The following UBE2E1 variants were observed in gnomAD, a reference collection of about 807,000 sequenced individuals.
UBE2E1 encodes ubiquitin conjugating enzyme E2 E1, also known as ubiquitin-conjugating enzyme E2 E1.
In UBE2E1, 6 loss-of-function variants were observed where a neutral mutation model predicts 21.4. That is an observed-to-expected ratio of 0.28 (90% CI 0.15 to 0.55). The LOEUF is 0.55. Ranked by LOEUF, UBE2E1 falls within the 20% of genes least tolerant of loss-of-function variation. UBE2E1 has a pLI of 0.93. For missense variants in UBE2E1, 142 were observed against 236.5 expected (o/e 0.60, Z 2.62); for synonymous variants, 87 against 82.7 (o/e 1.05, Z -0.28).
intron 3 of UBE2E1, among the ~76,000 whole-genome samples, chr3:23,827,240 G>A (rs1035357282): frequency 2.0e-5 from 3 of 152,054 alleles, no homozygotes; most frequent in Admixed American, 6.5e-5. Flanking sequence ...GTGAATTTTG[G>A]TAATTCTAAA....
At chr3:23,879,426 A>C in intron 3 of UBE2E1, 1 of 446,096 alleles carries the variant, frequency 2.2e-6, no homozygotes, top group South Asian at 1.9e-5. Context: ...AAACCCAGGA[A>C]AACAGTGTGG....
At chr3:23,843,692 C>T (rs1700138684) in intron 3 of UBE2E1, among the ~76,000 whole-genome samples, 1 of 151,334 alleles carries the variant, frequency 6.6e-6, no homozygotes, top group African/African-American at 2.4e-5. Flanking sequence ...CAAGCATCTT[C>T]CATACCAGTG....
chr3:23,870,165 CA>C lies in UBE2E1; in HGVS notation c.204-17401del. On this transcript the variant is annotated intron_variant, in intron 3 of 5. Coordinates refer to ENST00000306627, the MANE Select transcript of UBE2E1 (RefSeq NM_003341.5). The surrounding 1 kb of genome is among the most constrained non-coding windows in gnomAD (Gnocchi z 4.2). ...ATTCTCATTCTTGATGTGGTCTCTT[CA>C]CACGGTCTCTGCAGTACTAGGCTTC... Among the ~76,000 whole-genome samples, 1 of 152,228 alleles carries C rather than the reference CA, an allele frequency of 6.6e-6. No individual in the cohort carries two copies. The highest frequency in any genetic ancestry group is 2.1e-4 in the South Asian group (1 of 4,816).
chr3:23,827,881 A>G (rs1699790843), intron 3 of UBE2E1, among the ~76,000 whole-genome samples: 1 of 152,096 alleles, frequency 6.6e-6, no homozygotes, highest in Non-Finnish European at 1.5e-5. Context: ...ATCCCCTACA[A>G]CCTGATCCCA....
At chr3:23,890,416 T>C in intron 5 of UBE2E1, 93 bp from the exon 6 acceptor site, 1 of 1,175,450 alleles carries the variant, frequency 8.5e-7, no homozygotes, top group Non-Finnish European at 1.2e-6. Context: ...CACACATACT[T>C]TGTCGTACGT....
intron 3 of UBE2E1, among the ~76,000 whole-genome samples, chr3:23,872,884 G>A (rs558433286): frequency 1.3e-5 from 2 of 152,190 alleles, no homozygotes; most frequent in Non-Finnish European, 2.9e-5. Flanking sequence ...GGGCGTGGTG[G>A]CGCATGCCTG....
chr3:23,878,629 C>T (rs1479350663), intron 3 of UBE2E1, among the ~76,000 whole-genome samples: 9 of 152,186 alleles, frequency 5.9e-5, no homozygotes, highest in Admixed American at 3.3e-4. Flanking sequence ...TCAGCAATGG[C>T]ATTAGGTTCT....
rs1446477530 is a variant in UBE2E1, at chr3:23,808,278, C to G, written c.152+857C>G. On this transcript the variant is annotated intron_variant, in intron 2 of 5. Transcript: ENST00000306627. The surrounding 1 kb of genome is among the most constrained non-coding windows in gnomAD (Gnocchi z 4.9). The stretch of plus-strand genomic sequence containing the variant: ...CCTCTGGAGGTAGCTACTTTTTACC[C>G]CTGCCATCCTTCAGTAATATCCTCT... 3.9e-5 allele frequency among the ~76,000 whole-genome samples: 6 copies of G among 152,062 alleles called. No homozygotes were observed. The highest frequency in any genetic ancestry group is 1.4e-4 in the African/African-American group (6 of 41,380).
At chr3:23,824,381 T>G (rs1699708075) in intron 3 of UBE2E1, among the ~76,000 whole-genome samples, 1 of 152,228 alleles carries the variant, frequency 6.6e-6, no homozygotes, top group African/African-American at 2.4e-5. Flanking sequence ...GAGAAAAAAG[T>G]GATAGTAATT....
chr3:23,833,220 G>T (rs946144398), intron 3 of UBE2E1, among the ~76,000 whole-genome samples: 3 of 151,884 alleles, frequency 2.0e-5, no homozygotes, highest in Non-Finnish European at 4.4e-5. Flanking sequence ...ATAAAATGGA[G>T]ATATTTTTTA....
intron 3 of UBE2E1, among the ~76,000 whole-genome samples, chr3:23,845,579 C>CTG (rs1447535869): frequency 1.2e-4 from 6 of 51,642 alleles, no homozygotes; most frequent in Admixed American, 2.5e-4. Flanking sequence ...CTCTCTCTCT[C>CTG]TCTCTCTCTC....
At chr3:23,848,650 G>A (rs1425364387) in intron 3 of UBE2E1, among the ~76,000 whole-genome samples, 2 of 152,158 alleles carry the variant, frequency 1.3e-5, no homozygotes, top group African/African-American at 2.4e-5. Context: ...GATATAATCA[G>A]TAACTACCCT....
chr3:23,848,717 A>T (rs1012170581), intron 3 of UBE2E1, among the ~76,000 whole-genome samples: 5 of 152,226 alleles, frequency 3.3e-5, no homozygotes, highest in Non-Finnish European at 7.3e-5. Context: ...TTCATAGAAG[A>T]ATATAGAGAG....
At position 23,870,450 on chromosome 3, in the gene UBE2E1, A is replaced by G. The variant is rs1324303177; in HGVS notation, c.204-17117A>G. Among the ~76,000 whole-genome samples, 1 of 152,164 alleles carries G rather than the reference A, an allele frequency of 6.6e-6. No individual in the cohort carries two copies. The highest frequency in any genetic ancestry group is 1.9e-4 in the East Asian group (1 of 5,192). Reference sequence around the variant, plus strand: ...TGCCACAGGGAGTTAATTTACCTGTATTTCTGCCTATTGCTATGGGCAGAG... The same window carrying G: ...TGCCACAGGGAGTTAATTTACCTGTGTTTCTGCCTATTGCTATGGGCAGAG... On this transcript the variant is annotated intron_variant, in intron 3 of 5. Coordinates refer to ENST00000306627, the MANE Select transcript of UBE2E1 (RefSeq NM_003341.5). The surrounding 1 kb of genome is among the most constrained non-coding windows in gnomAD (Gnocchi z 4.2).
chr3:23,884,223 T>G (rs1195852344), intron 3 of UBE2E1, among the ~76,000 whole-genome samples: 2 of 70,768 alleles, frequency 2.8e-5, no homozygotes, highest in Non-Finnish European at 5.3e-5. Flanking sequence ...ACACCTAAAT[T>G]GCAAACAGAT....
chr3:23,886,845 G>C (rs534844306), intron 3 of UBE2E1, among the ~76,000 whole-genome samples: 1 of 152,156 alleles, frequency 6.6e-6, no homozygotes, highest in African/African-American at 2.4e-5. Context: ...TGCTGGGTGC[G>C]GTGGCACTCT....
rs990037756 is a variant in UBE2E1, at chr3:23,808,300, C to T, written c.152+879C>T. 2.0e-5 allele frequency among the ~76,000 whole-genome samples: 3 copies of T among 152,112 alleles called. No individual in the cohort carries two copies. The highest frequency in any genetic ancestry group is 4.8e-5 in the African/African-American group (2 of 41,398). ...ACCCCTGCCATCCTTCAGTAATATC[C>T]TCTGATCGCCATGACCCTCAAAATC... On this transcript the variant is annotated intron_variant, in intron 2 of 5. Coordinates refer to ENST00000306627, the MANE Select transcript of UBE2E1 (RefSeq NM_003341.5). The surrounding 1 kb of genome is among the most constrained non-coding windows in gnomAD (Gnocchi z 4.9).
chr3:23,882,806 A>G (rs1463067599), intron 3 of UBE2E1, among the ~76,000 whole-genome samples: 4 of 152,280 alleles, frequency 2.6e-5, no homozygotes, highest in Admixed American at 6.5e-5. Context: ...GCCTGGGGCC[A>G]GTGGCGCCGG....
Position 23,887,853 on chromosome 3 carries a change from G to A in UBE2E1, c.336+154G>A. Reference sequence around the variant, plus strand: ...TAACATATACAAAACACTTCTTTAGGTTGATTTTGCCTTATCTGGCAGAGA... The same window carrying A: ...TAACATATACAAAACACTTCTTTAGATTGATTTTGCCTTATCTGGCAGAGA... On this transcript the variant is annotated intron_variant, in intron 4 of 5. Coordinates refer to ENST00000306627, the MANE Select transcript of UBE2E1 (RefSeq NM_003341.5). This position sits in a 1 kb window ranked among gnomAD's most constrained non-coding sequence, Gnocchi z 4.4. The A allele has an allele frequency of 9.2e-7, 1 of 1,082,766 alleles. No individual in the cohort carries two copies. Among genetic ancestry groups the A allele is most frequent in the Non-Finnish European group, 1.3e-6 (1 of 786,144 alleles). The allele number at this position is 1,082,766 out of a possible 1,614,324, so 67.1% of individuals were successfully genotyped here. A position where few individuals can be genotyped will look rare whatever the true frequency, so the allele number is the denominator to read the frequency against.
Sources: gnomAD v4.1 joint callset for allele counts (sites outside exome capture counted in the v4.1 genomes callset) on GRCh38, gnomAD v4.1.1 for gene constraint, Gnocchi (gnomAD v3.1) non-coding constraint, MANE v1.5 for transcripts, NCBI Gene and HGNC (gene_info 2026-07-23, HGNC 2026-07-21) for gene names.